The following WDR17 variants were observed in gnomAD, a reference collection of about 807,000 sequenced individuals.
WDR17 encodes the protein WD repeat domain 17.
A neutral mutation model predicts 161.7 loss-of-function variants in WDR17; 143 were observed. The ratio of observed to expected loss-of-function variants is 0.88; its 90% confidence interval spans 0.77 to 1.02. The LOEUF (loss-of-function observed/expected upper bound fraction) is 1.02. Ranked by LOEUF, WDR17 falls within the 50% of genes least tolerant of loss-of-function variation. WDR17 has a pLI of 0.00. For synonymous variants in WDR17, 517 were observed against 515.6 expected (o/e 1.00, Z -0.04); for missense variants, 1,469 against 1,520.9 (o/e 0.97, Z 0.57).
intron 1 of WDR17, among the ~76,000 whole-genome samples, chr4:176,084,180 G>A (rs1215594256): frequency 6.6e-6 from 1 of 152,078 alleles, no homozygotes; most frequent in South Asian, 2.1e-4. Flanking sequence ...CCAAGGCTAA[G>A]TAATCTATAA....
intron 21 of WDR17, among the ~76,000 whole-genome samples, chr4:176,162,817 C>G (rs1749229525): frequency 6.6e-6 from 1 of 151,818 alleles, no homozygotes; most frequent in Admixed American, 6.6e-5. Flanking sequence ...CTTAAAGAAG[C>G]TCTTAAAAAT....
intron 1 of WDR17, among the ~76,000 whole-genome samples, chr4:176,094,759 T>C (rs1736599394): frequency 6.6e-6 from 1 of 152,128 alleles, no homozygotes; most frequent in African/African-American, 2.4e-5. Context: ...TTAAATGTGG[T>C]AGTAGGAGGA....
Position 176,115,900 on chromosome 4 carries a change from A to C in WDR17, c.228A>C (p.Ala76=), listed in dbSNP as rs772780556. 26 of 1,611,528 alleles carry C rather than the reference A, an allele frequency of 1.6e-5. No homozygotes were observed. The South Asian group carries it at 2.8e-4, about 17-fold the overall frequency. The change falls in exon 3 of 29, where the codon GCA becomes GCC. Residue 76 remains alanine, a synonymous_variant. Transcript: ENST00000508596. ...GTCCACATAATCCTGATCTGTTTGC[A>C]AGTGGCAGTACTGATAATTTAGTGA... ...SWCPHNPDLF[A]SGSTDNLVII... is the part of the protein sequence containing the mutation.
rs911618366 is a variant in WDR17, at chr4:176,150,398, T to A, written c.2179-70T>A. On this transcript the variant is annotated intron_variant, in intron 15 of 28. Coordinates refer to ENST00000508596, the MANE Select transcript of WDR17 (RefSeq NM_181265.4). ...TTTAGATATGCCTGCATTATAATAT[T>A]TTTGAAGATGCAAAATATTATGAGG... The A allele has an allele frequency of 1.6e-5, 25 of 1,536,410 alleles. No individual in the cohort carries two copies. The Admixed American group carries it at 1.8e-4, about 11-fold the overall frequency.
At position 176,148,294 on chromosome 4, in the gene WDR17, C is replaced by T. The variant is rs752566104; in HGVS notation, c.1856C>T (p.Thr619Ile). Residue 619 changes from threonine to isoleucine, a missense_variant, in exon 13 of 29, where the codon ACT becomes ATT. Thr to Ile is a moderately conservative substitution (Grantham distance 89). Coordinates refer to ENST00000508596, the MANE Select transcript of WDR17 (RefSeq NM_181265.4). ...TIKVWDTREG[T>I]CVDTVYDHGA... is the part of the protein sequence containing the mutation. ...AAAGTATGGGACACTCGAGAAGGAA[C>T]TTGTGTGGATACTGTGTATGATCAC... 6 of 1,613,922 alleles carry T rather than the reference C, an allele frequency of 3.7e-6. No homozygotes were observed. The highest frequency in any genetic ancestry group is 1.1e-5 in the South Asian group (1 of 91,072).
At chr4:176,132,473 C>A (rs941900044) in intron 7 of WDR17, among the ~76,000 whole-genome samples, 3 of 151,852 alleles carry the variant, frequency 2.0e-5, no homozygotes, top group Non-Finnish European at 2.9e-5. Flanking sequence ...ATTTAAGAAA[C>A]CTTTAAATGC....
chr4:176,130,637 G>T (rs996662948), intron 6 of WDR17, among the ~76,000 whole-genome samples: 4 of 151,508 alleles, frequency 2.6e-5, no homozygotes, highest in Non-Finnish European at 5.9e-5. Context: ...CCCAGCTACT[G>T]GGGAGGCTGA....
At chr4:176,174,763 C>T (rs763369943) in intron 26 of WDR17, 45 bp downstream of exon 26, 4 of 1,265,884 alleles carry the variant, frequency 3.2e-6, no homozygotes, top group African/African-American at 1.5e-5. Context: ...AGCAATTTCT[C>T]TTGCTAAGAT....
intron 1 of WDR17, chr4:176,096,646 T>C (rs1014496646): frequency 7.5e-7 from 1 of 1,330,216 alleles, no homozygotes; most frequent in African/African-American, 1.5e-5. Flanking sequence ...TTGCTTCTCA[T>C]ATAGTTTTAT....
At position 176,148,241 on chromosome 4, in the gene WDR17, C is replaced by G. The variant is rs1033679323; in HGVS notation, c.1803C>G (p.Leu601=). 1 of 1,613,852 alleles carries G rather than the reference C, an allele frequency of 6.2e-7. No homozygotes were observed. Among genetic ancestry groups the G allele is most frequent in the Non-Finnish European group, 8.5e-7 (1 of 1,179,922 alleles). The change falls in exon 13 of 29, where the codon CTC becomes CTG. Residue 601 remains leucine, a synonymous_variant. Coordinates refer to ENST00000508596, the MANE Select transcript of WDR17 (RefSeq NM_181265.4). The stretch of plus-strand genomic sequence containing the variant: ...GGAATACTGAGATTCCATATCTGCT[C>G]ATATCTGGCAGCTGGGACTATACTA... The part of the protein sequence containing the change: ...LMWNTEIPYL[L]ISGSWDYTIK...
chr4:176,125,221 A>G lies in WDR17; in HGVS notation c.656A>G (p.Asn219Ser). 1 of 1,614,150 alleles carries G rather than the reference A, an allele frequency of 6.2e-7. No homozygotes were observed. Among genetic ancestry groups the G allele is most frequent in the Non-Finnish European group, 8.5e-7 (1 of 1,180,010 alleles). Residue 219 changes from asparagine (N) to serine (S), a missense_variant, in exon 5 of 29, where the codon AAT (asparagine) becomes AGT (serine). Coordinates refer to ENST00000508596, the MANE Select transcript of WDR17 (RefSeq NM_181265.4). Reference sequence around the variant, plus strand: ...TCTACTGATTATCTTCTAGTGGTTAATTTGCATTATGGAATTCGCCTGGTA... The same window carrying G: ...TCTACTGATTATCTTCTAGTGGTTAGTTTGCATTATGGAATTCGCCTGGTA... ...PLSTDYLLVVNLHYGIRLVDS... is the reference protein window; with the variant it reads ...PLSTDYLLVVSLHYGIRLVDS...
chr4:176,099,272 AC>A, intron 1 of WDR17, among the ~76,000 whole-genome samples: 2 of 152,304 alleles, frequency 1.3e-5, no homozygotes, highest in East Asian at 1.9e-4. Flanking sequence ...AAATGCAGTT[AC>A]AGAGAATTGC....
chr4:176,141,086 C>T lies in WDR17; in HGVS notation c.1443-897C>T, dbSNP rs532164333. On this transcript the variant is annotated intron_variant, in intron 10 of 28. Coordinates refer to ENST00000508596, the MANE Select transcript of WDR17 (RefSeq NM_181265.4). ...ACTTCATAATACATTAATTAGTACA[C>T]GCTTTTTTTCTGATGGAATCAATAG... Among the ~76,000 whole-genome samples, 298 of 152,220 alleles carry T rather than the reference C, an allele frequency of 2.0e-3. 1 individual carries two copies. Among genetic ancestry groups the T allele is most frequent in the Non-Finnish European group, 2.9e-3 (200 of 68,000 alleles).
chr4:176,177,934 G>A (rs572946466), intron 28 of WDR17, among the ~76,000 whole-genome samples: 17 of 123,362 alleles, frequency 1.4e-4, no homozygotes, highest in South Asian at 2.8e-4. Context: ...TTGGTGAGCC[G>A]AGATCGAGCC....
At chr4:176,086,210 G>A (rs1042817191) in intron 1 of WDR17, among the ~76,000 whole-genome samples, 16 of 151,844 alleles carry the variant, frequency 1.1e-4, no homozygotes, top group African/African-American at 3.1e-4. Flanking sequence ...TTATGGCTCT[G>A]CACACGGTTA....
At position 176,177,157 on chromosome 4, in the gene WDR17, G is replaced by T. The variant is rs1370084435; in HGVS notation, c.3548+1G>T. ...GAGCTTGCACACAGTCCACCAACAGGTGAGCAAATATGATATAAAAATTGG... is the reference window on the plus strand; with the variant it reads ...GAGCTTGCACACAGTCCACCAACAGTTGAGCAAATATGATATAAAAATTGG... On this transcript the variant is annotated splice_donor_variant, in intron 27 of 28. Coordinates refer to ENST00000508596, the MANE Select transcript of WDR17 (RefSeq NM_181265.4). LOFTEE classifies it high-confidence loss of function. The T allele has an allele frequency of 6.2e-7, 1 of 1,611,216 alleles. No individual in the cohort carries two copies. Among genetic ancestry groups the T allele is most frequent in the South Asian group, 1.1e-5 (1 of 90,930 alleles).
chr4:176,078,997 A>G (rs987456256), intron 1 of WDR17, among the ~76,000 whole-genome samples: 1 of 151,998 alleles, frequency 6.6e-6, no homozygotes, highest in Admixed American at 6.6e-5. Context: ...GTAATTTTGT[A>G]TTATTTAATC....
In WDR17 at chr4:176,148,294, C is replaced by A. The variant is rs752566104; in HGVS notation, c.1856C>A (p.Thr619Asn). Residue 619 changes from threonine to asparagine, a missense_variant, in exon 13 of 29, where the codon ACT becomes AAT. Coordinates refer to ENST00000508596, the MANE Select transcript of WDR17 (RefSeq NM_181265.4). ...AAAGTATGGGACACTCGAGAAGGAA[C>A]TTGTGTGGATACTGTGTATGATCAC... ...TIKVWDTREG[T>N]CVDTVYDHGA... The A allele has an allele frequency of 6.2e-7, 1 of 1,613,922 alleles. No homozygotes were observed. The highest frequency in any genetic ancestry group is 1.7e-5 in the Admixed American group (1 of 60,008).
chr4:176,099,176 G>T (rs900133384), intron 1 of WDR17, among the ~76,000 whole-genome samples: 2 of 152,072 alleles, frequency 1.3e-5, no homozygotes, highest in African/African-American at 2.4e-5. Flanking sequence ...AAAATTGAAC[G>T]CATTGAAAAC....
Sources: gnomAD v4.1 joint callset for allele counts (sites outside exome capture counted in the v4.1 genomes callset) on GRCh38, gnomAD v4.1.1 for gene constraint, MANE v1.5 for transcripts, NCBI Gene and HGNC (gene_info 2026-07-23, HGNC 2026-07-21) for gene names.